CTR9: variants seen among roughly 807,000 people sequenced by gnomAD.
CTR9 encodes RNA polymerase-associated protein CTR9 homolog.
In CTR9, 41 loss-of-function variants were observed where a neutral mutation model predicts 152.1. That is an observed-to-expected ratio of 0.27 (90% CI 0.21 to 0.35). The LOEUF (loss-of-function observed/expected upper bound fraction) is 0.35. Among genes scored for constraint, CTR9 ranks in the 10% least tolerant of loss-of-function variants. CTR9 has a pLI of 1.00. For missense variants in CTR9, 917 were observed against 1,424.4 expected (o/e 0.64, Z 5.73); for synonymous variants, 476 against 496.2 (o/e 0.96, Z 0.54).
At chr11:10,761,703 C>T (rs1311987417) in intron 6 of CTR9, among the ~76,000 whole-genome samples, 1 of 151,900 alleles carries the variant, frequency 6.6e-6, no homozygotes, top group African/African-American at 2.4e-5. Flanking sequence ...TGAGATAAGT[C>T]TCAAGCAAGA....
intron 10 of CTR9, 53 bp downstream of exon 10, chr11:10,764,254 G>A: frequency 1.2e-6 from 2 of 1,613,460 alleles, no homozygotes; most frequent in African/African-American, 1.3e-5. Context: ...TTGTAAGCCT[G>A]GTGTAGTGTC....
chr11:10,756,899 A>G, intron 5 of CTR9, 61 bp downstream of exon 5: 1 of 1,047,560 alleles, frequency 9.5e-7, no homozygotes, highest in South Asian at 1.4e-5. Flanking sequence ...AGCATTGAGG[A>G]TTTGTCAGTT....
intron 24 of CTR9, among the ~76,000 whole-genome samples, chr11:10,776,937 C>T (rs894837638): frequency 8.2e-6 from 1 of 122,394 alleles, no homozygotes; most frequent in Non-Finnish European, 1.6e-5. Flanking sequence ...GGTACCACTG[C>T]ACTCCAGTCT....
At chr11:10,753,317 T>C (rs1345146640) in intron 2 of CTR9, among the ~76,000 whole-genome samples, 2 of 152,202 alleles carry the variant, frequency 1.3e-5, no homozygotes, top group Non-Finnish European at 2.9e-5. Context: ...CCTAAAATTC[T>C]ATATCCTCTA....
At chr11:10,753,116 TG>T (rs1862831439) in intron 2 of CTR9, among the ~76,000 whole-genome samples, 1 of 152,210 alleles carries the variant, frequency 6.6e-6, no homozygotes, top group Admixed American at 6.5e-5. Context: ...TGCTTAACAT[TG>T]TTTCCTATAA....
intron 5 of CTR9, among the ~76,000 whole-genome samples, chr11:10,757,147 T>C (rs1291927434): frequency 2.0e-5 from 3 of 151,862 alleles, no homozygotes; most frequent in African/African-American, 7.3e-5. Context: ...TACATGAGCA[T>C]GGTGGCACAC....
At chr11:10,766,229 A>G in intron 12 of CTR9, 173 bp from the exon 13 acceptor site, 1 of 596,358 alleles carries the variant, frequency 1.7e-6, no homozygotes, top group East Asian at 3.0e-5. Context: ...GATGGTGACA[A>G]AATTATTCTT....
intron 20 of CTR9, 127 bp downstream of exon 20, chr11:10,772,782 G>C (rs1288596552): frequency 3.1e-6 from 3 of 982,156 alleles, no homozygotes; most frequent in Non-Finnish European, 4.3e-6. Flanking sequence ...CACTTTGGGA[G>C]GATGAGGTGG....
intron 4 of CTR9, 94 bp from the exon 5 acceptor site, chr11:10,756,655 C>G: frequency 1.3e-6 from 1 of 788,122 alleles, no homozygotes; most frequent in Non-Finnish European, 2.0e-6. Flanking sequence ...ATTTCTCACT[C>G]AGAGATGTAT....
chr11:10,778,949 C>A lies in CTR9; in HGVS notation c.3366C>A (p.Arg1122=). 1 of 1,614,118 alleles carries A rather than the reference C, an allele frequency of 6.2e-7. No homozygotes were observed. Among genetic ancestry groups the A allele is most frequent in the Non-Finnish European group, 8.5e-7 (1 of 1,180,026 alleles). Residue 1122 remains arginine (R), a synonymous_variant, in exon 25 of 25, where the codon CGC becomes CGA. Coordinates refer to ENST00000361367, the MANE Select transcript of CTR9 (RefSeq NM_014633.5). ...CAGGAGTTTCTGAGAACGACTCTCG[C>A]CCAGCTTCTCCAAGTGCCGAATCAG... ...SHSGVSENDS[R]PASPSAESDH...
intron 7 of CTR9, 118 bp from the exon 8 acceptor site, chr11:10,763,312 CT>C: frequency 1.4e-6 from 1 of 713,390 alleles, no homozygotes; most frequent in South Asian, 1.6e-5. Context: ...TGAAAGGCAA[CT>C]ATTTATGAAG....
intron 21 of CTR9, among the ~76,000 whole-genome samples, chr11:10,773,620 G>A (rs1370836857): frequency 3.9e-5 from 6 of 152,076 alleles, no homozygotes; most frequent in Non-Finnish European, 5.9e-5. Flanking sequence ...GGGCACAGTG[G>A]CTCATGCTTA....
At chr11:10,754,524 G>T (rs1862854409) in intron 2 of CTR9, among the ~76,000 whole-genome samples, 1 of 152,114 alleles carries the variant, frequency 6.6e-6, no homozygotes, top group Non-Finnish European at 1.5e-5. Context: ...CAAGATTAAT[G>T]AATACATTCA....
chr11:10,765,742 G>A (rs936667500), intron 12 of CTR9, among the ~76,000 whole-genome samples: 3 of 152,190 alleles, frequency 2.0e-5, no homozygotes, highest in Non-Finnish European at 2.9e-5. Context: ...GATTATAGGC[G>A]TGAGCCACCG....
At chr11:10,770,110 C>T (rs1416365666) in intron 16 of CTR9, 100 bp from the exon 17 acceptor site, 2 of 780,678 alleles carry the variant, frequency 2.6e-6, no homozygotes, top group Non-Finnish European at 4.1e-6. Flanking sequence ...GGTAAAACAC[C>T]TTTTTACAGA....
intron 22 of CTR9, among the ~76,000 whole-genome samples, chr11:10,774,475 C>T (rs1364795181): frequency 1.3e-5 from 2 of 152,254 alleles, no homozygotes; most frequent in Admixed American, 1.3e-4. Context: ...ATTGTGTCCA[C>T]ACTAACTGTG....
chr11:10,760,341 A>G lies in CTR9; in HGVS notation c.741+20A>G. The stretch of plus-strand genomic sequence containing the variant: ...AAAGAGGTATGTAAATGAAAAAAGT[A>G]TCTAGCTCCTAACTGCTTTGTCAGG... On this transcript the variant is annotated intron_variant, in intron 6 of 24. Transcript: ENST00000361367. 6.2e-7 allele frequency: 1 copy of G among 1,604,150 alleles called. No homozygotes were observed. Among genetic ancestry groups the G allele is most frequent in the East Asian group, 2.2e-5 (1 of 44,672 alleles).
chr11:10,775,146 G>T (rs1012379464), intron 22 of CTR9, 61 bp from the exon 23 acceptor site: 3 of 1,331,998 alleles, frequency 2.3e-6, no homozygotes, highest in Non-Finnish European at 1.1e-6. Context: ...TAATGGCAAA[G>T]TAGTCTGGAA....
chr11:10,778,217 A>G (rs958132554), intron 24 of CTR9, among the ~76,000 whole-genome samples: 1 of 152,240 alleles, frequency 6.6e-6, no homozygotes, highest in South Asian at 2.1e-4. Flanking sequence ...TGGCAATAGG[A>G]CAGGGAAATG....
Sources: gnomAD v4.1 joint callset for allele counts (sites outside exome capture counted in the v4.1 genomes callset) on GRCh38, gnomAD v4.1.1 for gene constraint, MANE v1.5 for transcripts, NCBI Gene and HGNC (gene_info 2026-07-23, HGNC 2026-07-21) for gene names.